ESYT2: variants seen among roughly 807,000 people sequenced by gnomAD.
ESYT2 encodes the protein extended synaptotagmin 2.
In ESYT2, 54 loss-of-function variants were observed where a neutral mutation model predicts 107.2. The observed-to-expected ratio is 0.50, with a 90% CI of 0.40 to 0.63. The LOEUF is 0.63. Ranked by LOEUF, ESYT2 falls within the 30% of genes least tolerant of loss-of-function variation. The pLI, the probability that ESYT2 is intolerant of heterozygous loss-of-function variation, is 0.00. For missense variants in ESYT2, 1,020 were observed against 1,094.5 expected (o/e 0.93, Z 0.96); for synonymous variants, 491 against 434.1 (o/e 1.13, Z -1.63).
chr7:158,788,179 TA>T, intron 5 of ESYT2, 86 bp from the exon 6 acceptor site: 1 of 1,272,128 alleles, frequency 7.9e-7, no homozygotes, highest in Non-Finnish European at 1.1e-6. Flanking sequence ...CGAATCTTAG[TA>T]ACTTTTGAGC....
intron 6 of ESYT2, among the ~76,000 whole-genome samples, chr7:158,783,110 G>C (rs866582405): frequency 1.3e-5 from 2 of 152,208 alleles, no homozygotes; most frequent in African/African-American, 2.4e-5. Context: ...AAAGCCAGTG[G>C]AACAGGCATT....
chr7:158,826,697 T>C (rs1301808309), intron 1 of ESYT2, among the ~76,000 whole-genome samples: 1 of 151,090 alleles, frequency 6.6e-6, no homozygotes, highest in Non-Finnish European at 1.5e-5. Flanking sequence ...GGTGTGCGCC[T>C]GTAGTCCCAG....
intron 7 of ESYT2, among the ~76,000 whole-genome samples, chr7:158,768,766 G>A (rs897573563): frequency 9.8e-5 from 15 of 152,294 alleles, no homozygotes; most frequent in Admixed American, 3.3e-4. Flanking sequence ...GGTGCCTTAC[G>A]CCTGTAATCC....
chr7:158,809,672 GT>G (rs1839940419), intron 1 of ESYT2, among the ~76,000 whole-genome samples: 1 of 152,152 alleles, frequency 6.6e-6, no homozygotes, highest in South Asian at 2.1e-4. Context: ...TATAGACAGT[GT>G]TAAGTTTAGC....
intron 13 of ESYT2, 121 bp from the exon 14 acceptor site, chr7:158,752,964 A>G (rs1837629950): frequency 3.7e-6 from 2 of 545,684 alleles, no homozygotes; most frequent in Non-Finnish European, 5.8e-6. Context: ...AAACAAAACC[A>G]CCAGAATTAC....
chr7:158,769,934 ATTTTT>A (rs140810114), intron 7 of ESYT2, among the ~76,000 whole-genome samples: 1 of 151,460 alleles, frequency 6.6e-6, no homozygotes, highest in Non-Finnish European at 1.5e-5. Context: ...TAATTAATTT[ATTTTT>A]TTTGAGACAG....
intron 10 of ESYT2, among the ~76,000 whole-genome samples, chr7:158,762,613 T>C (rs1446844717): frequency 6.6e-6 from 1 of 152,234 alleles, no homozygotes; most frequent in East Asian, 1.9e-4. Context: ...GCTATACTAG[T>C]TGTTCAATTG....
intron 10 of ESYT2, among the ~76,000 whole-genome samples, chr7:158,762,222 A>T (rs778855216): frequency 6.6e-6 from 1 of 151,618 alleles, no homozygotes; most frequent in African/African-American, 2.4e-5. Context: ...GCCCCCCACA[A>T]TCTATGTCTA....
chr7:158,737,203 C>G lies in ESYT2; in HGVS notation c.2268-24G>C, dbSNP rs756264220. ...TTCTTACAACACAAACCAGATAAGA[C>G]GAGGTATTAGGACCGAGAAAAAGAG... is the stretch of plus-strand genomic sequence containing the variant. On this transcript the variant is annotated intron_variant, in intron 19 of 22. Transcript: ENST00000275418. 5 of 1,610,886 alleles carry G rather than the reference C, an allele frequency of 3.1e-6. No homozygotes were observed. The Admixed American group carries it at 8.4e-5, about 27-fold the overall frequency.
intron 6 of ESYT2, among the ~76,000 whole-genome samples, chr7:158,781,746 CAA>C (rs1838829424): frequency 6.6e-6 from 1 of 150,546 alleles, no homozygotes; most frequent in Middle Eastern, 3.9e-3. Flanking sequence ...CGAGTGAGAA[CAA>C]AGTGTGAGAG....
In ESYT2 at chr7:158,746,792, G is replaced by A. The variant is rs141673244; in HGVS notation, c.1644+1402C>T. On this transcript the variant is annotated intron_variant, in intron 16 of 22. Coordinates refer to ENST00000275418, the MANE Select transcript of ESYT2 (RefSeq NM_001367773.1). The stretch of plus-strand genomic sequence containing the variant: ...TCACAACTGCAATCCCAGCACTTGG[G>A]GAAGCAGAAGTGGGAACATCGCTGC... Among the ~76,000 whole-genome samples, 1,148 of 152,300 alleles carry A rather than the reference G, an allele frequency of 7.5e-3. 24 individuals carry two copies. Among genetic ancestry groups the A allele is most frequent in the African/African-American group, 0.027 (1,113 of 41,548 alleles).
In ESYT2 at chr7:158,797,934, A is replaced by C; in HGVS notation, c.507+8T>G. 6.2e-7 allele frequency: 1 copy of C among 1,613,764 alleles called. No homozygotes were observed. Among genetic ancestry groups the C allele is most frequent in the Non-Finnish European group, 8.5e-7 (1 of 1,179,848 alleles). On this transcript the variant is annotated splice_region_variant and intron_variant, in intron 3 of 22. Transcript: ENST00000275418. ...TGTGCACGTGAGGATACTTAAGAGAACACTGACCTGCTGGCCCACGTCGAC... is the reference window on the plus strand; with the variant it reads ...TGTGCACGTGAGGATACTTAAGAGACCACTGACCTGCTGGCCCACGTCGAC...
chr7:158,755,714 T>C (rs1837731580), intron 13 of ESYT2, among the ~76,000 whole-genome samples: 1 of 152,210 alleles, frequency 6.6e-6, no homozygotes, highest in Non-Finnish European at 1.5e-5. Context: ...AGAGAGACTA[T>C]GGTTACCACT....
In ESYT2 at chr7:158,743,690, A is replaced by G. The variant is rs1365326839; in HGVS notation, c.1645-12T>C. ...TGCTCGTCTCTGACCTGCAAAACAC[A>G]GGGTGGAAACACTGGCATAACTAGG... On this transcript the variant is annotated splice_polypyrimidine_tract_variant and intron_variant, in intron 16 of 22. Transcript: ENST00000275418. 20 of 1,604,160 alleles carry G rather than the reference A, an allele frequency of 1.2e-5. No individual in the cohort carries two copies. The South Asian group carries it at 2.2e-4, about 18-fold the overall frequency.
intron 1 of ESYT2, among the ~76,000 whole-genome samples, chr7:158,815,222 C>T (rs987869749): frequency 4.6e-5 from 7 of 152,176 alleles, no homozygotes; most frequent in Non-Finnish European, 8.8e-5. Flanking sequence ...TTCCGCCTCT[C>T]GCTTGCCTGT....
chr7:158,759,190 C>T (rs1240763976), intron 13 of ESYT2, among the ~76,000 whole-genome samples: 2 of 152,222 alleles, frequency 1.3e-5, no homozygotes, highest in Non-Finnish European at 2.9e-5. Flanking sequence ...CCTAAGGCAA[C>T]TAAGTTTTAA....
chr7:158,756,914 T>TAAAAAAGAAAAAAAAAAAAAAAAAAA (rs1563629848), intron 13 of ESYT2, among the ~76,000 whole-genome samples: 2 of 98,806 alleles, frequency 2.0e-5, no homozygotes, highest in Non-Finnish European at 4.1e-5. Context: ...CATCTCAAAT[T>TAAAAAAGAAAAAAAAAAAAAAAAAAA]AAAAAAAAAA....
Position 158,741,751 on chromosome 7 carries a change from G to A in ESYT2, c.1940C>T (p.Ala647Val). The change falls in exon 18 of 23, where the codon GCT becomes GTT. Residue 647 changes from alanine (A) to valine (V), a missense_variant. Ala to Val is a moderately conservative substitution (Grantham distance 64, BLOSUM62 0). Transcript: ENST00000275418. ...GCCCCCAATGACTGGTGTGGATGGA[G>A]CTGTGTTGCTGCCACCAGGGCCTGG... ...GSPGPGGSNT[A>V]PSTPVIGGSD... 6.2e-7 allele frequency: 1 copy of A among 1,614,114 alleles called. No individual in the cohort carries two copies. Among genetic ancestry groups the A allele is most frequent in the Non-Finnish European group, 8.5e-7 (1 of 1,180,024 alleles).
intron 6 of ESYT2, among the ~76,000 whole-genome samples, chr7:158,780,565 T>G (rs576773761): frequency 1.3e-5 from 2 of 152,322 alleles, no homozygotes; most frequent in South Asian, 4.1e-4. Context: ...AAAAGAATAT[T>G]AACTATCAAC....
Sources: allele counts gnomAD v4.1 joint callset (sites outside exome capture counted in the v4.1 genomes callset), GRCh38; gene constraint gnomAD v4.1.1; transcripts MANE v1.5; gene names NCBI Gene and HGNC (gene_info 2026-07-23, HGNC 2026-07-21).